Variants in TCF4 observed in about 807,000 individuals in gnomAD.
TCF4 encodes SL3-3 enhancer factor 2.
A neutral mutation model predicts 82.1 loss-of-function variants in TCF4; 3 were observed. The observed-to-expected ratio is 0.04, with a 90% CI of 0.02 to 0.09. The LOEUF (loss-of-function observed/expected upper bound fraction) is 0.09, where lower values mean the gene tolerates loss of function less well. TCF4 is among the 10% of genes least tolerant of loss of function. The pLI, the probability that TCF4 is intolerant of heterozygous loss-of-function variation, is 1.00. For missense variants in TCF4, 518 were observed against 852.7 expected, an observed-to-expected ratio of 0.61 and a Z score of 4.89; for synonymous variants, 276 against 309.6, an observed-to-expected ratio of 0.89 and a Z score of 1.14.
chr18:55,456,811 G>A (rs571275744), intron 5 of TCF4, among the ~76,000 whole-genome samples: 8 of 151,902 alleles, frequency 5.3e-5, no homozygotes, highest in African/African-American at 1.9e-4. Flanking sequence ...TAGACTCATC[G>A]ACCCTTTCTA....
At chr18:55,621,903 T>C (rs1273841566) in intron 2 of TCF4, among the ~76,000 whole-genome samples, 1 of 101,718 alleles carries the variant, frequency 9.8e-6, no homozygotes, top group Non-Finnish European at 1.8e-5. Flanking sequence ...ATATTATATA[T>C]ACACTATATA....
chr18:55,391,781 A>C (rs2093122830), intron 6 of TCF4, among the ~76,000 whole-genome samples: 1 of 150,900 alleles, frequency 6.6e-6, no homozygotes, highest in Non-Finnish European at 1.5e-5. Context: ...AAAATATTAA[A>C]AAAAAACTTA....
intron 8 of TCF4, chr18:55,302,662 GC>G: frequency 6.8e-7 from 1 of 1,466,942 alleles, no homozygotes; most frequent in Non-Finnish European, 9.0e-7. Flanking sequence ...CCTGTGGCTG[GC>G]CTAGGGGTGG....
chr18:55,463,948 CTGTG>C (rs151196106), intron 4 of TCF4, 124 bp downstream of exon 4: 283 of 701,958 alleles, frequency 4.0e-4, no homozygotes, highest in African/African-American at 2.1e-3. Context: ...GCCCATGCCT[CTGTG>C]TGTGTGTGTG....
At chr18:55,467,178 A>G (rs905994790) in intron 3 of TCF4, among the ~76,000 whole-genome samples, 5 of 152,234 alleles carry the variant, frequency 3.3e-5, no homozygotes, top group African/African-American at 1.2e-4. Flanking sequence ...CCATATCCAT[A>G]GAAGACACTA....
intron 6 of TCF4, among the ~76,000 whole-genome samples, chr18:55,353,644 C>G (rs1369352964): frequency 6.6e-6 from 1 of 152,068 alleles, no homozygotes; most frequent in Non-Finnish European, 1.5e-5. Flanking sequence ...GAACAATGAC[C>G]ATTTACTATT....
intron 3 of TCF4, among the ~76,000 whole-genome samples, chr18:55,542,121 A>G (rs2097169661): frequency 6.6e-6 from 1 of 152,012 alleles, no homozygotes; most frequent in South Asian, 2.1e-4. Flanking sequence ...AACTGTGAAC[A>G]CAAAACTATA....
At chr18:55,458,060 C>CA (rs34791670) in intron 5 of TCF4, among the ~76,000 whole-genome samples, 9 of 150,244 alleles carry the variant, frequency 6.0e-5, no homozygotes, top group African/African-American at 1.2e-4. Flanking sequence ...AACAGTTCAC[C>CA]AAAAAAAGGA....
At chr18:55,622,014 AT>A (rs2097721391) in intron 2 of TCF4, among the ~76,000 whole-genome samples, 3 of 131,966 alleles carry the variant, frequency 2.3e-5, no homozygotes, top group African/African-American at 8.7e-5. Flanking sequence ...CACTATATAT[AT>A]TATATACACT....
At chr18:55,499,703 T>C (rs1449862474) in intron 3 of TCF4, among the ~76,000 whole-genome samples, 1 of 152,180 alleles carries the variant, frequency 6.6e-6, no homozygotes, top group Non-Finnish European at 1.5e-5. Context: ...CAGATGGCCA[T>C]ATATCCTGTA....
chr18:55,267,032 A>C (rs1236831767), intron 11 of TCF4: 3 of 152,178 alleles, frequency 2.0e-5, no homozygotes, highest in African/African-American at 7.2e-5. Flanking sequence ...GCAGCTTCCT[A>C]AGACATCAAC....
At chr18:55,431,866 G>C (rs981418925) in intron 5 of TCF4, among the ~76,000 whole-genome samples, 1 of 152,156 alleles carries the variant, frequency 6.6e-6, no homozygotes, top group East Asian at 1.9e-4. Flanking sequence ...TAATGTCGGG[G>C]GGGTCTTCCA....
chr18:55,631,366 G>C (rs867657798), exon 2 of TCF4: 3 of 1,548,558 alleles, frequency 1.9e-6, no homozygotes, highest in Non-Finnish European at 2.6e-6. Context: ...AATGTTCTTA[G>C]ATTGGTGTTT....
intron 15 of TCF4, among the ~76,000 whole-genome samples, chr18:55,253,514 T>C (rs2055882869): frequency 6.6e-6 from 1 of 152,148 alleles, no homozygotes; most frequent in African/African-American, 2.4e-5. Context: ...AATATTCTAT[T>C]AAGAAGAGTC....
chr18:55,362,889 C>G (rs1396577038), intron 6 of TCF4, among the ~76,000 whole-genome samples: 3 of 152,084 alleles, frequency 2.0e-5, no homozygotes, highest in Non-Finnish European at 4.4e-5. Context: ...TAACAAAAAT[C>G]ATGAAAGGAT....
intron 6 of TCF4, among the ~76,000 whole-genome samples, chr18:55,400,636 A>G (rs2093760891): frequency 6.6e-6 from 1 of 152,168 alleles, no homozygotes; most frequent in Admixed American, 6.6e-5. Flanking sequence ...AAAGCGTCAT[A>G]TGTCCATCAG....
intron 11 of TCF4, chr18:55,265,936 C>T (rs141911083): frequency 1.3e-3 from 200 of 152,250 alleles, no homozygotes; most frequent in African/African-American, 4.8e-3. Flanking sequence ...AGAATGCAGG[C>T]CAGTTAAAGA....
chr18:55,348,592 A>T (rs1569126271), intron 8 of TCF4, among the ~76,000 whole-genome samples: 1 of 152,170 alleles, frequency 6.6e-6, no homozygotes, highest in African/African-American at 2.4e-5. Context: ...AAAACACTGT[A>T]CCAGTAAAAT....
chr18:55,242,160 T>C (rs2144990844), intron 15 of TCF4, among the ~76,000 whole-genome samples: 1 of 152,294 alleles, frequency 6.6e-6, no homozygotes, highest in East Asian at 1.9e-4. Context: ...CAGGGCTGAG[T>C]GGATCTCCAG....
Sources: allele counts gnomAD v4.1 joint callset (sites outside exome capture counted in the v4.1 genomes callset), GRCh38; gene constraint gnomAD v4.1.1; transcripts MANE v1.5; gene names NCBI Gene and HGNC (gene_info 2026-07-23, HGNC 2026-07-21).